CDH12: variants seen among roughly 807,000 people sequenced by gnomAD.
CDH12 encodes cadherin-12.
CDH12 carries 41 observed loss-of-function variants against 74.1 expected under a neutral mutation model. That is an observed-to-expected ratio of 0.55 (90% CI 0.43 to 0.72). CDH12 has a LOEUF of 0.72. CDH12 is among the 30% of genes least tolerant of loss of function. The pLI, the probability that CDH12 is intolerant of heterozygous loss-of-function variation, is 0.00. For synonymous variants in CDH12, 399 were observed against 355.0 expected (o/e 1.12, Z -1.39); for missense variants, 945 against 977.2 (o/e 0.97, Z 0.44).
intron 1 of CDH12, among the ~76,000 whole-genome samples, chr5:22,606,534 C>G (rs975170357): frequency 6.6e-6 from 1 of 151,932 alleles, no homozygotes; most frequent in East Asian, 1.9e-4. Flanking sequence ...TTATAAAGGG[C>G]TCCCTCCTTC....
intron 6 of CDH12, chr5:21,883,679 C>T: frequency 6.2e-7 from 1 of 1,611,738 alleles, no homozygotes. Context: ...GAAAAGGTGA[C>T]AAGGCTCAAC....
chr5:21,964,429 T>C (rs929806352), intron 6 of CDH12, among the ~76,000 whole-genome samples: 1 of 152,054 alleles, frequency 6.6e-6, no homozygotes, highest in Non-Finnish European at 1.5e-5. Context: ...AGGGCTTATT[T>C]TGTTTTTCCT....
intron 10 of CDH12, among the ~76,000 whole-genome samples, chr5:21,796,738 T>C (rs1746802836): frequency 6.6e-6 from 1 of 152,054 alleles, no homozygotes; most frequent in Non-Finnish European, 1.5e-5. Flanking sequence ...AGAAAAGTGG[T>C]ACATATTGAG....
intron 4 of CDH12, among the ~76,000 whole-genome samples, chr5:22,130,082 T>C (rs549894048): frequency 3.5e-4 from 53 of 151,018 alleles, no homozygotes; most frequent in African/African-American, 1.2e-3. Context: ...GAAATTGAGA[T>C]ACCATATTTT....
intron 1 of CDH12, among the ~76,000 whole-genome samples, chr5:22,770,574 G>T (rs1195971534): frequency 6.6e-6 from 1 of 152,018 alleles, no homozygotes; most frequent in Non-Finnish European, 1.5e-5. Flanking sequence ...TAATTTATTT[G>T]CTTCCTTTGG....
intron 1 of CDH12, among the ~76,000 whole-genome samples, chr5:22,837,161 G>A: frequency 6.6e-6 from 1 of 152,170 alleles, no homozygotes; most frequent in Non-Finnish European, 1.5e-5. Flanking sequence ...GCTTATGCCT[G>A]TAATCCCAGC....
At chr5:22,236,391 T>A (rs1752559566) in intron 3 of CDH12, among the ~76,000 whole-genome samples, 1 of 152,224 alleles carries the variant, frequency 6.6e-6, no homozygotes, top group Non-Finnish European at 1.5e-5. Context: ...TTTTTCTATT[T>A]TTCAAGTTTT....
chr5:22,423,574 C>G (rs570556977), intron 2 of CDH12, among the ~76,000 whole-genome samples: 1 of 152,136 alleles, frequency 6.6e-6, no homozygotes, highest in Admixed American at 6.5e-5. Flanking sequence ...AGTGTTTGTA[C>G]GCATGTAGGG....
chr5:22,216,625 T>G (rs1436542205), intron 3 of CDH12, among the ~76,000 whole-genome samples: 2 of 152,092 alleles, frequency 1.3e-5, no homozygotes, highest in East Asian at 3.9e-4. Flanking sequence ...TGCTGAATGC[T>G]AACAGATTCT....
At chr5:22,303,273 A>AT (rs955760070) in intron 3 of CDH12, among the ~76,000 whole-genome samples, 1 of 152,098 alleles carries the variant, frequency 6.6e-6, no homozygotes, top group Non-Finnish European at 1.5e-5. Context: ...CAAATGTATG[A>AT]TTTTTTTCAG....
intron 1 of CDH12, among the ~76,000 whole-genome samples, chr5:22,687,928 A>G (rs1338222701): frequency 6.6e-6 from 1 of 152,192 alleles, no homozygotes; most frequent in African/African-American, 2.4e-5. Flanking sequence ...TCTCTTTCAT[A>G]GTCTTGCTAA....
At chr5:22,825,363 A>G (rs1472679855) in intron 1 of CDH12, among the ~76,000 whole-genome samples, 1 of 152,164 alleles carries the variant, frequency 6.6e-6, no homozygotes, top group African/African-American at 2.4e-5. Flanking sequence ...TAGGCTTACA[A>G]TTTTAGATAG....
chr5:22,700,306 G>C (rs1200858018), intron 1 of CDH12, among the ~76,000 whole-genome samples: 2 of 152,162 alleles, frequency 1.3e-5, no homozygotes, highest in African/African-American at 2.4e-5. Flanking sequence ...CAAATGTTCT[G>C]TGTTGAATGT....
At chr5:22,832,048 T>C (rs1736638737) in intron 1 of CDH12, among the ~76,000 whole-genome samples, 1 of 152,256 alleles carries the variant, frequency 6.6e-6, no homozygotes, top group South Asian at 2.1e-4. Flanking sequence ...TTTTCATGAC[T>C]GAATGGGAGA....
intron 1 of CDH12, among the ~76,000 whole-genome samples, chr5:22,528,047 T>C (rs1430833935): frequency 6.6e-6 from 1 of 152,118 alleles, no homozygotes; most frequent in Non-Finnish European, 1.5e-5. Flanking sequence ...TTCTCTTGGA[T>C]TATAGCATGT....
In CDH12 at chr5:22,705,677, A is replaced by T. The variant is rs369452923; in HGVS notation, c.-523+147381T>A. ...TCAGTAAATGGTGTGGCTAAAAAAT[A>T]AAGCTATGTATGCCACCAAGGGAGA... is the stretch of plus-strand genomic sequence containing the variant. On this transcript the variant is annotated intron_variant, in intron 1 of 14. Transcript: ENST00000382254. Among the ~76,000 whole-genome samples, 10 of 152,194 alleles carry T rather than the reference A, an allele frequency of 6.6e-5. No individual in the cohort carries two copies. In the East Asian group the frequency reaches 1.5e-3, roughly 24 times the overall value.
chr5:22,771,682 T>C (rs1399364721), intron 1 of CDH12, among the ~76,000 whole-genome samples: 1 of 152,158 alleles, frequency 6.6e-6, no homozygotes, highest in Non-Finnish European at 1.5e-5. Context: ...TTTAAATTCA[T>C]GCAAAATTAC....
intron 1 of CDH12, among the ~76,000 whole-genome samples, chr5:22,644,157 A>T (rs1475351824): frequency 6.6e-6 from 1 of 152,098 alleles, no homozygotes; most frequent in Admixed American, 6.6e-5. Context: ...TGTTCAAGTG[A>T]AAAGTCCCAC....
chr5:22,270,821 G>A (rs1736364452), intron 3 of CDH12, among the ~76,000 whole-genome samples: 1 of 151,774 alleles, frequency 6.6e-6, no homozygotes, highest in Admixed American at 6.6e-5. Flanking sequence ...ACAGGTGCCT[G>A]CTACTACGAA....
Sources: gnomAD v4.1 joint callset for allele counts (sites outside exome capture counted in the v4.1 genomes callset) on GRCh38, gnomAD v4.1.1 for gene constraint, MANE v1.5 for transcripts, NCBI Gene and HGNC (gene_info 2026-07-23, HGNC 2026-07-21) for gene names.